Variants in TMEM132D observed in about 807,000 individuals in gnomAD.
TMEM132D encodes the protein mature OL transmembrane protein.
In TMEM132D, 21 loss-of-function variants were observed where a neutral mutation model predicts 62.3. The ratio of observed to expected loss-of-function variants is 0.34; its 90% CI spans 0.24 to 0.49. The LOEUF (loss-of-function observed/expected upper bound fraction) is 0.49. Among genes scored for constraint, TMEM132D ranks in the 20% least tolerant of loss-of-function variants. The pLI is 0.99. For synonymous variants in TMEM132D, 621 were observed against 575.6 expected, an observed-to-expected ratio of 1.08 and a Z score of -1.13; for missense variants, 1,346 against 1,402.8, an observed-to-expected ratio of 0.96 and a Z score of 0.65.
At chr12:129,568,493 A>G (rs1877426144) in intron 2 of TMEM132D, among the ~76,000 whole-genome samples, 2 of 152,198 alleles carry the variant, frequency 1.3e-5, no homozygotes, top group African/African-American at 4.8e-5. Flanking sequence ...ATTATCTTTT[A>G]TTATATCAAC....
At chr12:129,576,430 G>C (rs10847906) in intron 2 of TMEM132D, among the ~76,000 whole-genome samples, 45,506 of 151,570 alleles carry the variant, frequency 0.3, 8,189 homozygotes, top group Non-Finnish European at 0.41. Context: ...ATTTGTATAT[G>C]TGTGTCTATA....
intron 3 of TMEM132D, among the ~76,000 whole-genome samples, chr12:129,413,651 T>C (rs1357480835): frequency 6.6e-6 from 1 of 152,180 alleles, no homozygotes; most frequent in Non-Finnish European, 1.5e-5. Context: ...CTTTTGAAAA[T>C]GATAACACAT....
intron 3 of TMEM132D, among the ~76,000 whole-genome samples, chr12:129,392,905 A>G (rs2135695295): frequency 6.6e-6 from 1 of 152,356 alleles, no homozygotes; most frequent in East Asian, 1.9e-4. Flanking sequence ...TCGAGGATGC[A>G]TGGCCCTCTT....
chr12:129,152,567 G>T (rs1225920877), intron 5 of TMEM132D, among the ~76,000 whole-genome samples: 1 of 152,132 alleles, frequency 6.6e-6, no homozygotes, highest in South Asian at 2.1e-4. Context: ...TGGGCTGAGG[G>T]CCATTTCCAT....
At position 129,859,017 on chromosome 12, in the gene TMEM132D, T is replaced by C. The variant is rs1392087187; in HGVS notation, c.79+44244A>G. Among the ~76,000 whole-genome samples the C allele has an allele frequency of 2.2e-5, 3 of 135,772 alleles. 1 individual carries two copies. Among genetic ancestry groups the C allele is most frequent in the Non-Finnish European group, 4.8e-5 (3 of 62,412 alleles). The allele number at this position is 135,772 out of a possible 152,430, so 89.1% of individuals were successfully genotyped here. On this transcript the variant is annotated intron_variant, in intron 1 of 8. Transcript: ENST00000422113. ...GTCCGGGGGAACGGGATGGGTGCCC[T>C]AGTAACGGAGTCCGGGGGAACGGGA...
chr12:129,465,013 C>T (rs1292148015), intron 3 of TMEM132D, among the ~76,000 whole-genome samples: 2 of 126,948 alleles, frequency 1.6e-5, no homozygotes, highest in African/African-American at 5.8e-5. Flanking sequence ...GTGAAGAAGG[C>T]ATTGGTAGCT....
At chr12:129,139,809 C>G (rs998843908) in intron 5 of TMEM132D, among the ~76,000 whole-genome samples, 1 of 152,142 alleles carries the variant, frequency 6.6e-6, no homozygotes, top group Non-Finnish European at 1.5e-5. Flanking sequence ...CTTCTGCACT[C>G]AAATGATCCT....
Position 129,800,427 on chromosome 12 carries a change from C to T in TMEM132D, c.80-99729G>A, listed in dbSNP as rs550289415. On this transcript the variant is annotated intron_variant, in intron 1 of 8. Transcript: ENST00000422113. ...ATATTGAGCCTATGATACGCCAGGC[C>T]CTGGGCTAGATTCAGGTGCTCTGGA... is the stretch of plus-strand genomic sequence containing the variant. Among the ~76,000 whole-genome samples, 111 of 151,798 alleles carry T rather than the reference C, an allele frequency of 7.3e-4. 1 individual carries two copies. The highest frequency in any genetic ancestry group is 2.4e-4 in the Non-Finnish European group (16 of 67,982).
At chr12:129,316,013 T>C (rs970982146) in intron 4 of TMEM132D, among the ~76,000 whole-genome samples, 1 of 152,184 alleles carries the variant, frequency 6.6e-6, no homozygotes, top group Non-Finnish European at 1.5e-5. Context: ...TTCGTGAAGT[T>C]ATTTGGATTT....
At chr12:129,261,211 A>G (rs576738714) in intron 4 of TMEM132D, among the ~76,000 whole-genome samples, 15 of 152,102 alleles carry the variant, frequency 9.9e-5, no homozygotes, top group Non-Finnish European at 1.9e-4. Flanking sequence ...AATACCATAG[A>G]TTGTGATGCA....
chr12:129,481,213 G>A (rs889956308), intron 3 of TMEM132D, among the ~76,000 whole-genome samples: 3 of 152,082 alleles, frequency 2.0e-5, no homozygotes, highest in Admixed American at 6.6e-5. Context: ...TGCTGGGCAC[G>A]GTGGCTCACA....
At chr12:129,365,901 C>T (rs1032777626) in intron 3 of TMEM132D, among the ~76,000 whole-genome samples, 4 of 152,002 alleles carry the variant, frequency 2.6e-5, no homozygotes, top group South Asian at 2.1e-4. Flanking sequence ...ATCCAGGCAG[C>T]GCATCTCCTT....
intron 4 of TMEM132D, among the ~76,000 whole-genome samples, chr12:129,233,922 G>A (rs1018627156): frequency 2.6e-5 from 4 of 151,992 alleles, no homozygotes; most frequent in African/African-American, 9.7e-5. Context: ...CCCAATTTTT[G>A]GAAAGGATGT....
At chr12:129,361,220 T>G (rs932858683) in intron 3 of TMEM132D, among the ~76,000 whole-genome samples, 6 of 152,180 alleles carry the variant, frequency 3.9e-5, no homozygotes, top group South Asian at 2.1e-4. Flanking sequence ...CAGGTGAGCT[T>G]GCATGGACAG....
chr12:129,289,559 AAAAAAG>A (rs1342764721), intron 4 of TMEM132D, among the ~76,000 whole-genome samples: 4 of 148,442 alleles, frequency 2.7e-5, no homozygotes, highest in East Asian at 4.2e-4. Context: ...AAAAAAAAAA[AAAAAAG>A]AAAAAAAAGA....
At chr12:129,762,582 G>A (rs1354980314) in intron 1 of TMEM132D, among the ~76,000 whole-genome samples, 1 of 152,000 alleles carries the variant, frequency 6.6e-6, no homozygotes, top group African/African-American at 2.4e-5. Context: ...CATAAGCACG[G>A]AGGGGAAACA....
At chr12:129,415,154 G>A (rs776672482) in intron 3 of TMEM132D, among the ~76,000 whole-genome samples, 8 of 152,168 alleles carry the variant, frequency 5.3e-5, no homozygotes, top group Non-Finnish European at 8.8e-5. Context: ...TGTCCCTTCA[G>A]CATGCTGATT....
At chr12:129,771,894 G>T (rs1480307981) in intron 1 of TMEM132D, among the ~76,000 whole-genome samples, 1 of 152,184 alleles carries the variant, frequency 6.6e-6, no homozygotes, top group Non-Finnish European at 1.5e-5. Context: ...AAAGCTCTAT[G>T]AAGTCAGTAC....
intron 2 of TMEM132D, among the ~76,000 whole-genome samples, chr12:129,594,383 T>A (rs985895157): frequency 1.3e-5 from 2 of 152,136 alleles, no homozygotes; most frequent in African/African-American, 4.8e-5. Context: ...GGGAAATGAA[T>A]ATGTTGTTTT....
Sources: allele counts gnomAD v4.1 joint callset (sites outside exome capture counted in the v4.1 genomes callset), GRCh38; gene constraint gnomAD v4.1.1; transcripts MANE v1.5; gene names NCBI Gene and HGNC (gene_info 2026-07-23, HGNC 2026-07-21).